HOGA1: variants seen among roughly 807,000 people sequenced by gnomAD.
The protein encoded by HOGA1 is 4-hydroxy-2-oxoglutarate aldolase 1.
A neutral mutation model predicts 34.3 loss-of-function variants in HOGA1; 30 were observed. The observed-to-expected ratio is 0.87, with a 90% CI of 0.65 to 1.19. The LOEUF (loss-of-function observed/expected upper bound fraction) is 1.19, where lower values mean the gene tolerates loss of function less well. Among genes scored for constraint, HOGA1 ranks in the 50% most tolerant of loss-of-function variants. HOGA1 has a pLI of 0.00. For missense variants in HOGA1, 417 were observed against 436.5 expected, an observed-to-expected ratio of 0.96 and a Z score of 0.40; for synonymous variants, 161 against 174.0, an observed-to-expected ratio of 0.93 and a Z score of 0.59.
chr10:97,606,128 CAAA>C (rs60230634), intron 6 of HOGA1, among the ~76,000 whole-genome samples: 201 of 95,214 alleles, frequency 2.1e-3, no homozygotes, highest in African/African-American at 7.7e-3. Flanking sequence ...ACTAAAAATA[CAAA>C]AAAAAAAAAA....
At chr10:97,594,354 T>G (rs540811187) in intron 1 of HOGA1, among the ~76,000 whole-genome samples, 1 of 151,598 alleles carries the variant, frequency 6.6e-6, no homozygotes, top group African/African-American at 2.4e-5. Flanking sequence ...TTTTGATTTT[T>G]AATTTTTTTT....
intron 6 of HOGA1, among the ~76,000 whole-genome samples, chr10:97,606,047 G>A (rs1323212872): frequency 5.3e-5 from 8 of 151,414 alleles, no homozygotes; most frequent in African/African-American, 1.5e-4. Flanking sequence ...CACTTTGGGA[G>A]GCCGAGGTGG....
At chr10:97,600,643 T>C (rs2041108926) in intron 5 of HOGA1, 1 of 205,906 alleles carries the variant, frequency 4.9e-6, no homozygotes, top group African/African-American at 2.3e-5. Flanking sequence ...CCTAGGAATG[T>C]CACTTAGATC....
chr10:97,599,553 T>C lies in HOGA1; in HGVS notation c.469-127T>C, dbSNP rs2041099555. On this transcript the variant is annotated intron_variant, in intron 3 of 6. Transcript: ENST00000370646. ...TTGCTTACACTCGGGGCACGTAGCA[T>C]GGGAGGGAGGCCTGTCCAGGTGGCC... is the stretch of plus-strand genomic sequence containing the variant. 21 of 1,212,362 alleles carry C rather than the reference T, an allele frequency of 1.7e-5. No homozygotes were observed. The South Asian group carries it at 2.3e-4, about 13-fold the overall frequency. The allele number at this position is 1,212,362 out of a possible 1,614,324, so 75.1% of individuals were successfully genotyped here. A position where few individuals can be genotyped will look rare whatever the true frequency, so the allele number is the denominator to read the frequency against.
At chr10:97,606,302 G>C (rs1395345231) in intron 6 of HOGA1, among the ~76,000 whole-genome samples, 16 of 142,054 alleles carry the variant, frequency 1.1e-4, no homozygotes, top group Non-Finnish European at 4.6e-5. Context: ...CCATCTCAGG[G>C]AAAAAAAAAA....
rs1182178500 is a variant in HOGA1 at position 97,590,036 on chromosome 10, C to T, written c.211+5122C>T. On this transcript the variant is annotated intron_variant, in intron 1 of 6. Coordinates refer to ENST00000370646, the MANE Select transcript of HOGA1 (RefSeq NM_138413.4). ...CTTTAGCCGCCTTTCCGAAGAGAAGCTGGCCCTCGACAACAATGCCAGCGC... is the reference window on the plus strand; with the variant it reads ...CTTTAGCCGCCTTTCCGAAGAGAAGTTGGCCCTCGACAACAATGCCAGCGC... The T allele has an allele frequency of 3.7e-6, 6 of 1,614,076 alleles. No homozygotes were observed. The East Asian group carries it at 6.7e-5, about 18-fold the overall frequency.
chr10:97,592,225 T>C (rs2041031091), intron 1 of HOGA1, among the ~76,000 whole-genome samples: 1 of 149,692 alleles, frequency 6.7e-6, no homozygotes, highest in African/African-American at 2.5e-5. Flanking sequence ...GAAGGATGTA[T>C]AGAAAATCCC....
chr10:97,604,729 C>T (rs543717478), intron 6 of HOGA1, among the ~76,000 whole-genome samples: 1 of 152,222 alleles, frequency 6.6e-6, no homozygotes, highest in South Asian at 2.1e-4. Context: ...CACCTGTAAT[C>T]CCAGCACTTT....
intron 1 of HOGA1, 31 bp from the exon 2 acceptor site, chr10:97,598,744 G>A (rs1432800324): frequency 1.2e-6 from 2 of 1,614,058 alleles, no homozygotes; most frequent in Non-Finnish European, 1.7e-6. Flanking sequence ...GTAGAGGATG[G>A]GAAGGAGTTA....
chr10:97,601,908 G>C lies in HOGA1; in HGVS notation c.752G>C (p.Cys251Ser), dbSNP rs886047518. ...GCCAATGTCCTGGGGGCTCAGGTGT[G>C]CCAGCTGGAGCGACTGTGCTGCACG... ...ALANVLGAQV[C>S]QLERLCCTGQ... Residue 251 changes from cysteine to serine, a missense_variant, in exon 6 of 7, where the codon TGC becomes TCC. Cys to Ser is a moderately radical substitution (Grantham distance 112). Coordinates refer to ENST00000370646, the MANE Select transcript of HOGA1 (RefSeq NM_138413.4). 1.9e-6 allele frequency: 3 copies of C among 1,612,816 alleles called. No homozygotes were observed. The highest frequency in any genetic ancestry group is 1.7e-6 in the Non-Finnish European group (2 of 1,180,008).
intron 1 of HOGA1, among the ~76,000 whole-genome samples, chr10:97,586,338 A>C (rs1031789464): frequency 4.6e-5 from 7 of 152,246 alleles, no homozygotes; most frequent in Non-Finnish European, 1.5e-5. Context: ...GGTAATAATG[A>C]TTAAAATGAC....
intron 1 of HOGA1, chr10:97,589,834 C>T: frequency 7.6e-7 from 1 of 1,311,934 alleles, no homozygotes; most frequent in South Asian, 1.3e-5. Flanking sequence ...TCTTGGAGCT[C>T]ATCCAGCAGC....
At chr10:97,608,686 T>C (rs2041174674) in intron 6 of HOGA1, among the ~76,000 whole-genome samples, 1 of 151,672 alleles carries the variant, frequency 6.6e-6, no homozygotes, top group South Asian at 2.1e-4. Flanking sequence ...TCACCTGTAA[T>C]CCCAGCTACT....
Position 97,598,808 on chromosome 10 carries a change from C to G in HOGA1, c.245C>G (p.Pro82Arg). Residue 82 changes from proline to arginine, a missense_variant, in exon 2 of 7, where the codon CCT (proline) becomes CGT (arginine). Physicochemically the swap from Pro to Arg is moderately radical, Grantham distance 103. Transcript: ENST00000370646. ...GTCCAGGGCTCCAATGGCGAGTTTC[C>G]TTTCCTGACCAGCAGTGAGCGCCTC... ...FVVQGSNGEF[P>R]FLTSSERLEV... The G allele has an allele frequency of 6.2e-7, 1 of 1,614,200 alleles. No individual in the cohort carries two copies. The highest frequency in any genetic ancestry group is 8.5e-7 in the Non-Finnish European group (1 of 1,180,044).
At chr10:97,600,236 G>C (rs1380427663) in intron 5 of HOGA1, 73 bp downstream of exon 5, 19 of 1,258,148 alleles carry the variant, frequency 1.5e-5, no homozygotes, top group Non-Finnish European at 2.2e-5. Context: ...TTCCGGGAGA[G>C]ATCGTGAGGG....
rs758339645 is a variant in HOGA1, at chr10:97,584,806, A to G, written c.103A>G (p.Ile35Val). 5 of 1,613,950 alleles carry G rather than the reference A, an allele frequency of 3.1e-6. No individual in the cohort carries two copies. The East Asian group carries it at 8.9e-5, about 29-fold the overall frequency. Residue 35 changes from isoleucine (I) to valine (V), a missense_variant, in exon 1 of 7, where the codon ATT becomes GTT. Ile to Val is a conservative substitution (Grantham distance 29, BLOSUM62 3). Coordinates refer to ENST00000370646, the MANE Select transcript of HOGA1 (RefSeq NM_138413.4). ...CTCAGGGGAGGGGAAGAAGGTGGACATTGCGGGTATCTACCCCCCTGTGAC... is the reference window on the plus strand; with the variant it reads ...CTCAGGGGAGGGGAAGAAGGTGGACGTTGCGGGTATCTACCCCCCTGTGAC... ...WASGEGKKVD[I>V]AGIYPPVTTP...
chr10:97,604,171 A>T (rs1181541455), intron 6 of HOGA1, among the ~76,000 whole-genome samples: 1 of 152,232 alleles, frequency 6.6e-6, no homozygotes, highest in Non-Finnish European at 1.5e-5. Context: ...TACTATATGG[A>T]ATCACATGGT....
rs764274149 is a variant in HOGA1 at position 97,584,788 on chromosome 10, G to A, written c.85G>A (p.Glu29Lys). 1.1e-5 allele frequency: 18 copies of A among 1,613,994 alleles called. No individual in the cohort carries two copies. The South Asian group carries it at 1.2e-4, about 11-fold the overall frequency. ...GAATGTGGGGGTCTGGGCCTCAGGG[G>A]AGGGGAAGAAGGTGGACATTGCGGG... ...SRNVGVWASG[E>K]GKKVDIAGIY... Residue 29 changes from glutamate (E) to lysine (K), a missense_variant, in exon 1 of 7, where the codon GAG becomes AAG. By Grantham distance (56) the Glu-to-Lys change is moderately conservative. Transcript: ENST00000370646.
chr10:97,599,772 C>T lies in HOGA1; in HGVS notation c.561C>T (p.Ser187=), dbSNP rs2041101719. The T allele has an allele frequency of 6.2e-7, 1 of 1,614,214 alleles. No individual in the cohort carries two copies. ...CTGTGGATGCAGTGGTCACGCTTTC[C>T]CAGCACCCGAATATTGTGGGCATGA... ...DLPVDAVVTL[S]QHPNIVGMKD... Residue 187 remains serine, a synonymous_variant, in exon 4 of 7, where the codon TCC becomes TCT. Coordinates refer to ENST00000370646, the MANE Select transcript of HOGA1 (RefSeq NM_138413.4).
Sources: allele counts gnomAD v4.1 joint callset (sites outside exome capture counted in the v4.1 genomes callset), GRCh38; gene constraint gnomAD v4.1.1; transcripts MANE v1.5; gene names NCBI Gene and HGNC (gene_info 2026-07-23, HGNC 2026-07-21).